The following STARD10 variants were observed in gnomAD, a reference collection of about 807,000 sequenced individuals.
The protein encoded by STARD10 is START domain-containing protein 10.
Under a neutral mutation model 36.0 loss-of-function variants are expected in STARD10, and 24 were observed. The ratio of observed to expected loss-of-function variants is 0.67; its 90% confidence interval spans 0.48 to 0.94. STARD10 has a LOEUF of 0.94. STARD10 is among the 40% of genes least tolerant of loss of function. The pLI is 0.00. For missense variants in STARD10, 335 were observed against 396.6 expected (o/e 0.84, Z 1.32); for synonymous variants, 156 against 161.9 (o/e 0.96, Z 0.28).
Position 72,781,437 on chromosome 11 carries a change from C to T in STARD10, c.-113-143G>A, listed in dbSNP as rs1487021795. On this transcript the variant is annotated intron_variant, in intron 1 of 6. Coordinates refer to ENST00000334805, the MANE Select transcript of STARD10 (RefSeq NM_006645.3). The surrounding 1 kb of genome is among the most constrained non-coding windows in gnomAD (Gnocchi z 4.7). The stretch of plus-strand genomic sequence containing the variant: ...CGGGCGCTGGACAGCCTCGGGGTCC[C>T]CCTCCCGAGGAGCGCCCCAGACCCC... 5.8e-6 allele frequency: 3 copies of T among 517,822 alleles called. No homozygotes were observed. The highest frequency in any genetic ancestry group is 4.4e-5 in the South Asian group (2 of 45,284). The allele number at this position is 517,822 out of a possible 1,614,324, so 32.1% of individuals were successfully genotyped here. A position where few individuals can be genotyped will look rare whatever the true frequency, so the allele number is the denominator to read the frequency against.
At chr11:72,772,788 C>A (rs956546836) in intron 2 of STARD10, among the ~76,000 whole-genome samples, 1 of 152,314 alleles carries the variant, frequency 6.6e-6, no homozygotes, top group African/African-American at 2.4e-5. Flanking sequence ...GGGAGCCTAC[C>A]TCCCTGACCA....
At chr11:72,757,504 G>A (rs1013099072) in intron 5 of STARD10, among the ~76,000 whole-genome samples, 1 of 152,264 alleles carries the variant, frequency 6.6e-6, no homozygotes, top group Non-Finnish European at 1.5e-5. Context: ...CCAGTGAGCA[G>A]GGAACAAGGC....
chr11:72,785,394 ATC>A (rs1859058454), intron 1 of STARD10, among the ~76,000 whole-genome samples: 1 of 151,632 alleles, frequency 6.6e-6, no homozygotes, highest in Non-Finnish European at 1.5e-5. Context: ...GTGAAACCCC[ATC>A]TCTACTAAAA....
At chr11:72,782,688 T>G (rs1859020959) in intron 1 of STARD10, among the ~76,000 whole-genome samples, 1 of 152,160 alleles carries the variant, frequency 6.6e-6, no homozygotes, top group Non-Finnish European at 1.5e-5. Flanking sequence ...GCTCCATAGC[T>G]ACCTGCACCA....
At chr11:72,768,181 G>A (rs781409180) in intron 2 of STARD10, among the ~76,000 whole-genome samples, 1 of 152,174 alleles carries the variant, frequency 6.6e-6, no homozygotes, top group African/African-American at 2.4e-5. Flanking sequence ...TGGACCAGGA[G>A]AGGAGGCTCT....
chr11:72,757,503 A>G (rs1477060551), intron 5 of STARD10, among the ~76,000 whole-genome samples: 1 of 152,234 alleles, frequency 6.6e-6, no homozygotes, highest in Non-Finnish European at 1.5e-5. Flanking sequence ...GCCAGTGAGC[A>G]GGGAACAAGG....
intron 5 of STARD10, among the ~76,000 whole-genome samples, chr11:72,756,600 G>A (rs185702139): frequency 3.3e-5 from 5 of 152,228 alleles, no homozygotes; most frequent in East Asian, 3.9e-4. Context: ...GGGAGGCTTC[G>A]GGGAAGGGCT....
At position 72,758,726 on chromosome 11, in the gene STARD10, TTAAC is replaced by T. The variant is rs1341477220; in HGVS notation, c.356-97_356-94del. ...AGGCCAGAGATGCAGGGATGCCTAATTAACTGCCAGCTCTCCAGTGCAAAGATAC... is the reference window on the plus strand; with the variant it reads ...AGGCCAGAGATGCAGGGATGCCTAATTGCCAGCTCTCCAGTGCAAAGATAC... On this transcript the variant is annotated intron_variant, in intron 3 of 6. Transcript: ENST00000334805. 18 of 839,726 alleles carry T rather than the reference TTAAC, an allele frequency of 2.1e-5. No individual in the cohort carries two copies. In the Admixed American group the frequency reaches 2.2e-4, roughly 10 times the overall value. 52.0% of individuals were successfully genotyped at this position (839,726 alleles called of 1,614,324 possible). A position where few individuals can be genotyped will look rare whatever the true frequency, so the allele number is the denominator to read the frequency against.
chr11:72,791,947 C>T (rs1211782345), intron 1 of STARD10, among the ~76,000 whole-genome samples: 1 of 151,694 alleles, frequency 6.6e-6, no homozygotes, highest in Non-Finnish European at 1.5e-5. Flanking sequence ...CCATCTCGGC[C>T]CACGACAACC....
At chr11:72,772,305 G>A (rs1414841004) in intron 2 of STARD10, among the ~76,000 whole-genome samples, 1 of 150,102 alleles carries the variant, frequency 6.7e-6, no homozygotes, top group African/African-American at 2.5e-5. Context: ...TAGTGGGCAT[G>A]GCTCTCCCTG....
intron 1 of STARD10, among the ~76,000 whole-genome samples, chr11:72,784,950 C>T (rs949956617): frequency 2.0e-5 from 3 of 152,212 alleles, no homozygotes; most frequent in Admixed American, 6.5e-5. Flanking sequence ...GTGGGGGGCA[C>T]GGGGCACCCC....
At chr11:72,767,061 A>G (rs1858801773) in intron 2 of STARD10, among the ~76,000 whole-genome samples, 1 of 152,244 alleles carries the variant, frequency 6.6e-6, no homozygotes, top group Non-Finnish European at 1.5e-5. Flanking sequence ...GCATTTCAGC[A>G]GATAGTTTTG....
chr11:72,780,745 T>C, intron 2 of STARD10: 1 of 575,924 alleles, frequency 1.7e-6, no homozygotes, highest in South Asian at 2.0e-5. Flanking sequence ...AAGCCTGGGT[T>C]CCAGCTGAGA....
intron 5 of STARD10, among the ~76,000 whole-genome samples, chr11:72,756,343 A>C (rs1191015104): frequency 6.6e-6 from 1 of 152,102 alleles, no homozygotes; most frequent in Non-Finnish European, 1.5e-5. Flanking sequence ...AAGCATTTCC[A>C]GGCAAGGATG....
At chr11:72,764,763 C>G (rs1010571784) in intron 2 of STARD10, among the ~76,000 whole-genome samples, 3 of 152,218 alleles carry the variant, frequency 2.0e-5, no homozygotes, top group Non-Finnish European at 4.4e-5. Flanking sequence ...GTACCAGGAA[C>G]CCCCAGCTAT....
chr11:72,770,196 C>T (rs963077869), intron 2 of STARD10, among the ~76,000 whole-genome samples: 1 of 152,168 alleles, frequency 6.6e-6, no homozygotes, highest in African/African-American at 2.4e-5. Context: ...ATCATTTATA[C>T]AAGAGATAAA....
Position 72,754,867 on chromosome 11 carries a change from C to A in STARD10, c.*30G>T. 1 of 1,587,068 alleles carries A rather than the reference C, an allele frequency of 6.3e-7. No individual in the cohort carries two copies. Among genetic ancestry groups the A allele is most frequent in the South Asian group, 1.1e-5 (1 of 89,870 alleles). On this transcript the variant is annotated 3_prime_UTR_variant, in exon 7 of 7. Transcript: ENST00000334805. ...GCCGCCGCCCCAGGGCTCGCCCGGT[C>A]CTGTCTCCGTCCCTGAAGCGGTGCG... is the stretch of plus-strand genomic sequence containing the variant.
intron 2 of STARD10, among the ~76,000 whole-genome samples, chr11:72,777,184 T>C (rs531007661): frequency 6.6e-6 from 1 of 152,370 alleles, no homozygotes; most frequent in South Asian, 2.1e-4. Context: ...TCTGAGGAGA[T>C]ACGCAGGTCT....
At chr11:72,763,856 T>C (rs538108462) in intron 2 of STARD10, among the ~76,000 whole-genome samples, 62 of 152,304 alleles carry the variant, frequency 4.1e-4, no homozygotes, top group African/African-American at 1.3e-3. Context: ...TTCTTCACCC[T>C]AAACCTAGCT....
Sources: allele counts gnomAD v4.1 joint callset (sites outside exome capture counted in the v4.1 genomes callset), GRCh38; gene constraint gnomAD v4.1.1; non-coding constraint Gnocchi (gnomAD v3.1); transcripts MANE v1.5; gene names NCBI Gene and HGNC (gene_info 2026-07-23, HGNC 2026-07-21).